The following S100A5 variants were observed in gnomAD, a reference collection of about 807,000 sequenced individuals.
The protein encoded by S100A5 is S100 calcium binding protein A5.
A neutral mutation model predicts 6.7 loss-of-function variants in S100A5; 5 were observed. The observed-to-expected ratio is 0.75, with a 90% CI of 0.39 to 1.57. The LOEUF is 1.57. S100A5 is among the 40% of genes most tolerant of loss of function. S100A5 has a pLI of 0.03. For synonymous variants in S100A5, 49 were observed against 44.9 expected, an observed-to-expected ratio of 1.09 and a Z score of -0.37; for missense variants, 129 against 110.8, an observed-to-expected ratio of 1.16 and a Z score of -0.74.
rs773112909 is a variant in S100A5, at chr1:153,540,152, T to C, written c.40A>G (p.Thr14Ala). ...CTCCCCGAATATTTGTGAAACGTGG[T>C]CACCATAGTGGTCAGGGCCTTCTCC... ...PLEKALTTMV[T>A]TFHKYSGREG... is the part of the protein sequence containing the mutation. Residue 14 changes from threonine (T) to alanine (A), a missense_variant, in exon 2 of 3, where the codon ACC (threonine) becomes GCC (alanine). Coordinates refer to ENST00000368717, the MANE Select transcript of S100A5 (RefSeq NM_001394232.1). 6.2e-7 allele frequency: 1 copy of C among 1,614,138 alleles called. No homozygotes were observed. Among genetic ancestry groups the C allele is most frequent in the Non-Finnish European group, 8.5e-7 (1 of 1,180,006 alleles).
rs1665362417 is a variant in S100A5, at chr1:153,540,863, C to T, written c.-257G>A. 6.6e-6 allele frequency among the ~76,000 whole-genome samples: 1 copy of T among 152,132 alleles called. No individual in the cohort carries two copies. Among genetic ancestry groups the T allele is most frequent in the South Asian group, 2.1e-4 (1 of 4,830 alleles). On this transcript the variant is annotated 5_prime_UTR_variant, in exon 1 of 3. Transcript: ENST00000368717. ...TCCAGGATCATTCCAAAACCTGGAT[C>T]CAGAGGCTACGCTTGAATAAGGGCC...
At chr1:153,538,250 T>C (rs924891768) in intron 2 of S100A5, among the ~76,000 whole-genome samples, 4 of 152,178 alleles carry the variant, frequency 2.6e-5, no homozygotes, top group African/African-American at 7.2e-5. Context: ...TGGAGCCTGG[T>C]TGTGCACTGT....
At chr1:153,538,120 C>G (rs1351966912) in intron 2 of S100A5, among the ~76,000 whole-genome samples, 1 of 152,158 alleles carries the variant, frequency 6.6e-6, no homozygotes, top group Non-Finnish European at 1.5e-5. Context: ...ACTCTCTCCC[C>G]ATTCTAAGGA....
chr1:153,541,249 C>T, upstream of S100A5: 1 of 595,534 alleles, frequency 1.7e-6, no homozygotes, highest in Non-Finnish European at 3.0e-6. Context: ...AAAGGCTCTG[C>T]CCTCTTCTCC....
chr1:153,541,250 C>A, upstream of S100A5: 1 of 603,324 alleles, frequency 1.7e-6, no homozygotes, highest in South Asian at 1.5e-5. Flanking sequence ...AAGGCTCTGC[C>A]CTCTTCTCCC....
At chr1:153,539,426 A>C (rs1179787296) in intron 2 of S100A5, among the ~76,000 whole-genome samples, 3 of 26,582 alleles carry the variant, frequency 1.1e-4, no homozygotes, top group African/African-American at 6.5e-4. Context: ...GACTCTCTCA[A>C]AAAAAAAAAA....
At chr1:153,538,702 C>T (rs1457798177) in intron 2 of S100A5, among the ~76,000 whole-genome samples, 1 of 152,162 alleles carries the variant, frequency 6.6e-6, no homozygotes, top group Non-Finnish European at 1.5e-5. Flanking sequence ...TGGAGAGGCA[C>T]CCAGGCTAAA....
intron 2 of S100A5, 93 bp downstream of exon 2, chr1:153,539,961 C>G: frequency 2.0e-6 from 3 of 1,507,448 alleles, no homozygotes; most frequent in Non-Finnish European, 2.7e-6. Flanking sequence ...CACCCTGCCC[C>G]TGGCTTAGGC....
chr1:153,537,831 T>C (rs1665234173), intron 2 of S100A5, among the ~76,000 whole-genome samples: 1 of 152,152 alleles, frequency 6.6e-6, no homozygotes, highest in Admixed American at 6.5e-5. Flanking sequence ...GTGGATCACC[T>C]GACATCAGGA....
chr1:153,539,444 A>ATATATAT (rs1217507384), intron 2 of S100A5, among the ~76,000 whole-genome samples: 1 of 104,304 alleles, frequency 9.6e-6, no homozygotes, highest in East Asian at 2.5e-4. Context: ...AAAAAAAAAA[A>ATATATAT]AAAAAAATAT....
chr1:153,537,950 G>A (rs1409401055), intron 2 of S100A5, among the ~76,000 whole-genome samples: 1 of 152,104 alleles, frequency 6.6e-6, no homozygotes, highest in Non-Finnish European at 1.5e-5. Context: ...GGAAGGCTGA[G>A]GCAGGAGAAT....
rs960211944 is a variant in S100A5 at position 153,537,334 on chromosome 1, T to C, written c.241A>G (p.Met81Val). 5 of 1,614,158 alleles carry C rather than the reference T, an allele frequency of 3.1e-6. No individual in the cohort carries two copies. Among genetic ancestry groups the C allele is most frequent in the East Asian group, 2.2e-5 (1 of 44,892 alleles). Residue 81 changes from methionine (M) to valine (V), a missense_variant, in exon 3 of 3, where the codon ATG becomes GTG. Transcript: ENST00000368717. ...EYSVFLTMLC[M>V]AYNDFFLEDN... ...TCTAGAAAGAAGTCGTTGTAGGCCATGCACAGCATGGTCAGGAACACCGAG... is the reference window on the plus strand; with the variant it reads ...TCTAGAAAGAAGTCGTTGTAGGCCACGCACAGCATGGTCAGGAACACCGAG...
At position 153,537,272 on chromosome 1, in the gene S100A5, G is replaced by A. The variant is rs1248732212; in HGVS notation, c.*24C>T. The A allele has an allele frequency of 6.2e-7, 1 of 1,606,266 alleles. No individual in the cohort carries two copies. Among genetic ancestry groups the A allele is most frequent in the African/African-American group, 1.3e-5 (1 of 74,930 alleles). On this transcript the variant is annotated 3_prime_UTR_variant, in exon 3 of 3. Coordinates refer to ENST00000368717, the MANE Select transcript of S100A5 (RefSeq NM_001394232.1). The stretch of plus-strand genomic sequence containing the variant: ...CCGAGGTCAGCAGCAAAGGGTGGAG[G>A]GTGAGGGTGGAGGGCAGCCCTGGTC...
chr1:153,537,190 G>C lies in S100A5; in HGVS notation c.*106C>G. The stretch of plus-strand genomic sequence containing the variant: ...AAACTTTATTTCCTCCCATGGAAGG[G>C]TCCATCTGGGAGGGAGAGGAGGGCA... On this transcript the variant is annotated 3_prime_UTR_variant, in exon 3 of 3. Coordinates refer to ENST00000368717, the MANE Select transcript of S100A5 (RefSeq NM_001394232.1). The C allele has an allele frequency of 7.9e-7, 1 of 1,262,670 alleles. No homozygotes were observed. Among genetic ancestry groups the C allele is most frequent in the Admixed American group, 2.0e-5 (1 of 49,062 alleles). The allele number at this position is 1,262,670 out of a possible 1,614,324, so 78.2% of individuals were successfully genotyped here. A position where few individuals can be genotyped will look rare whatever the true frequency, so the allele number is the denominator to read the frequency against.
chr1:153,542,252 TGTA>T (rs755679456), upstream of S100A5, among the ~76,000 whole-genome samples: 148 of 152,124 alleles, frequency 9.7e-4, no homozygotes, highest in Non-Finnish European at 1.7e-3. Flanking sequence ...GGGCTCAGGG[TGTA>T]GTACCTATCA....
upstream of S100A5, chr1:153,543,232 C>G: frequency 4.1e-6 from 4 of 985,366 alleles, no homozygotes; most frequent in Non-Finnish European, 4.8e-6. Context: ...CTTTTCCCTC[C>G]GACTTACTCC....
rs112039904 is a variant in S100A5, at chr1:153,537,760, T to C, written c.139-324A>G. ...TATACCAACACCTGATAAAAACAGC[T>C]TGCTGGGTCAGGTGTGGTGGCTCAC... On this transcript the variant is annotated intron_variant, in intron 2 of 2. Transcript: ENST00000368717. Among the ~76,000 whole-genome samples, 493 of 152,294 alleles carry C rather than the reference T, an allele frequency of 3.2e-3. 3 individuals are homozygous for C. Among genetic ancestry groups the C allele is most frequent in the African/African-American group, 0.011 (441 of 41,558 alleles).
upstream of S100A5, among the ~76,000 whole-genome samples, chr1:153,540,975 A>C (rs1216135944): frequency 3.9e-5 from 6 of 152,290 alleles, no homozygotes; most frequent in East Asian, 9.7e-4. Context: ...CTTCCCCCTC[A>C]GGGAGGAAGG....
At position 153,537,430 on chromosome 1, in the gene S100A5, CCTT is replaced by C. The variant is rs1665218860; in HGVS notation, c.142_144del (p.Lys48del). 6.2e-7 allele frequency: 1 copy of C among 1,613,990 alleles called. No homozygotes were observed. Among genetic ancestry groups the C allele is most frequent in the South Asian group, 1.1e-5 (1 of 91,086 alleles). On this transcript the variant is annotated inframe_deletion, in exon 3 of 3. Coordinates refer to ENST00000368717, the MANE Select transcript of S100A5 (RefSeq NM_001394232.1). Reference sequence around the variant, plus strand: ...TTCATCAAGTCATCGATGCTGCTCTCCTTCATCTTTTGTGGACCCAGGTGGAGA... The same window carrying C: ...TTCATCAAGTCATCGATGCTGCTCTCCATCTTTTGTGGACCCAGGTGGAGA...
Sources: allele counts gnomAD v4.1 joint callset (sites outside exome capture counted in the v4.1 genomes callset), GRCh38; gene constraint gnomAD v4.1.1; transcripts MANE v1.5; gene names NCBI Gene and HGNC (gene_info 2026-07-23, HGNC 2026-07-21).